The following NAALADL2 variants were observed in gnomAD, a reference collection of about 807,000 sequenced individuals.
NAALADL2 encodes inactive N-acetylated-alpha-linked acidic dipeptidase-like protein 2.
Under a neutral mutation model 87.2 loss-of-function variants are expected in NAALADL2, and 76 were observed. The ratio of observed to expected loss-of-function variants is 0.87; its 90% confidence interval spans 0.72 to 1.05. The LOEUF (loss-of-function observed/expected upper bound fraction) is 1.05, where lower values mean the gene tolerates loss of function less well. Among genes scored for constraint, NAALADL2 ranks in the 50% least tolerant of loss-of-function variants. NAALADL2 has a pLI of 0.00. For synonymous variants in NAALADL2, 354 were observed against 331.0 expected (o/e 1.07, Z -0.75); for missense variants, 1,089 against 945.8 (o/e 1.15, Z -1.99).
intron 1 of NAALADL2, among the ~76,000 whole-genome samples, chr3:174,921,347 AT>A (rs552388216): frequency 4.6e-5 from 7 of 152,116 alleles, no homozygotes; most frequent in East Asian, 1.9e-4. Context: ...CTTAAATACA[AT>A]TTTTTTGTTA....
chr3:175,721,390 G>A (rs1583013091), intron 11 of NAALADL2, among the ~76,000 whole-genome samples: 1 of 151,984 alleles, frequency 6.6e-6, no homozygotes, highest in South Asian at 2.1e-4. Flanking sequence ...AATTATAATA[G>A]CGTTGTAAAT....
chr3:175,096,322 T>G (rs1193495790), intron 1 of NAALADL2, among the ~76,000 whole-genome samples: 1 of 152,164 alleles, frequency 6.6e-6, no homozygotes, highest in East Asian at 1.9e-4. Flanking sequence ...GGGTTTTTAT[T>G]ATTTTTTCCC....
chr3:175,571,324 G>A (rs984858695), intron 9 of NAALADL2, among the ~76,000 whole-genome samples: 4 of 152,032 alleles, frequency 2.6e-5, no homozygotes, highest in African/African-American at 9.7e-5. Context: ...ACTTGCCCCT[G>A]TTATGAACTG....
chr3:175,694,861 G>A (rs112174662), intron 11 of NAALADL2, among the ~76,000 whole-genome samples: 8,079 of 152,052 alleles, frequency 0.053, 733 homozygotes, highest in African/African-American at 0.18. Context: ...TCAGGTAAAT[G>A]AGTTATTTAA....
chr3:174,768,640 T>C (rs1401456371), intron 3 of NAALADL2, among the ~76,000 whole-genome samples: 1 of 152,188 alleles, frequency 6.6e-6, no homozygotes, highest in Non-Finnish European at 1.5e-5. Context: ...TTATACCTTT[T>C]TGTCTATGAC....
intron 5 of NAALADL2, among the ~76,000 whole-genome samples, chr3:175,421,236 T>A (rs1275459032): frequency 6.6e-6 from 1 of 151,972 alleles, no homozygotes; most frequent in Non-Finnish European, 1.5e-5. Context: ...GTTATAAATA[T>A]GAAATACCAA....
intron 4 of NAALADL2, among the ~76,000 whole-genome samples, chr3:175,263,926 A>G (rs1461189901): frequency 3.3e-5 from 5 of 151,852 alleles, no homozygotes; most frequent in Non-Finnish European, 7.4e-5. Context: ...ACTTGGGCTT[A>G]TCAATATAGA....
At chr3:175,671,336 A>C (rs1733979385) in intron 11 of NAALADL2, among the ~76,000 whole-genome samples, 1 of 151,944 alleles carries the variant, frequency 6.6e-6, no homozygotes, top group African/African-American at 2.4e-5. Flanking sequence ...TGAAAAGAAA[A>C]AAGTTCATGG....
chr3:175,257,774 C>CA (rs921705029), intron 4 of NAALADL2, among the ~76,000 whole-genome samples: 1 of 151,362 alleles, frequency 6.6e-6, no homozygotes, highest in African/African-American at 2.4e-5. Flanking sequence ...CCTCATAAAT[C>CA]AAAAAAAAGA....
intron 1 of NAALADL2, among the ~76,000 whole-genome samples, chr3:174,522,871 T>C (rs1338699612): frequency 1.4e-5 from 2 of 143,204 alleles, no homozygotes; most frequent in African/African-American, 5.2e-5. Context: ...GAGGCGGAGC[T>C]TGCAGTGAGC....
At chr3:174,782,875 A>G (rs532400918) in intron 3 of NAALADL2, among the ~76,000 whole-genome samples, 139 of 152,264 alleles carry the variant, frequency 9.1e-4, no homozygotes, top group African/African-American at 3.2e-3. Flanking sequence ...GGTCACTCCA[A>G]TGACAGATGG....
chr3:175,677,014 A>G (rs1734876200), intron 11 of NAALADL2, among the ~76,000 whole-genome samples: 1 of 152,106 alleles, frequency 6.6e-6, no homozygotes, highest in African/African-American at 2.4e-5. Flanking sequence ...AAGAGTTTAT[A>G]TTTACCTTTG....
At chr3:175,260,657 C>A (rs1010715077) in intron 4 of NAALADL2, among the ~76,000 whole-genome samples, 1 of 152,094 alleles carries the variant, frequency 6.6e-6, no homozygotes, top group Non-Finnish European at 1.5e-5. Flanking sequence ...TCTAAATGAA[C>A]ATTTTGTCTG....
At chr3:174,741,165 C>T (rs1447015785) in intron 3 of NAALADL2, among the ~76,000 whole-genome samples, 1 of 151,588 alleles carries the variant, frequency 6.6e-6, no homozygotes, top group Non-Finnish European at 1.5e-5. Context: ...AAGTCTTATC[C>T]AAATACAGAA....
At chr3:175,092,204 G>C (rs1462915592) in intron 1 of NAALADL2, among the ~76,000 whole-genome samples, 1 of 150,050 alleles carries the variant, frequency 6.7e-6, no homozygotes, top group Non-Finnish European at 1.5e-5. Context: ...TAAATTTTAA[G>C]TATTTAAGCA....
chr3:175,317,102 T>C (rs1364312783), intron 4 of NAALADL2, among the ~76,000 whole-genome samples: 1 of 152,160 alleles, frequency 6.6e-6, no homozygotes, highest in Non-Finnish European at 1.5e-5. Flanking sequence ...GATTACACCC[T>C]ATTGCTTAAT....
chr3:175,014,548 A>T (rs1750569744), intron 1 of NAALADL2, among the ~76,000 whole-genome samples: 1 of 152,184 alleles, frequency 6.6e-6, no homozygotes, highest in Non-Finnish European at 1.5e-5. Context: ...CAAATGAATA[A>T]TTGATGCAAA....
At chr3:174,672,150 C>T (rs975274641) in intron 2 of NAALADL2, among the ~76,000 whole-genome samples, 4 of 152,038 alleles carry the variant, frequency 2.6e-5, no homozygotes, top group Non-Finnish European at 4.4e-5. Flanking sequence ...GATTTTGCTG[C>T]TCTAGCACAA....
At chr3:174,819,308 G>T (rs746953053) in intron 3 of NAALADL2, among the ~76,000 whole-genome samples, 4 of 151,630 alleles carry the variant, frequency 2.6e-5, no homozygotes, top group Non-Finnish European at 5.9e-5. Flanking sequence ...CAAGCAATCT[G>T]CCTTCCTGGG....
Sources: gnomAD v4.1 joint callset for allele counts (sites outside exome capture counted in the v4.1 genomes callset) on GRCh38, gnomAD v4.1.1 for gene constraint, MANE v1.5 for transcripts, NCBI Gene and HGNC (gene_info 2026-07-23, HGNC 2026-07-21) for gene names.